The following NKAIN2 variants were observed in gnomAD, a reference collection of about 807,000 sequenced individuals.
The protein encoded by NKAIN2 is sodium/potassium transporting ATPase interacting 2.
NKAIN2 carries 14 observed loss-of-function variants against 32.6 expected under a neutral mutation model. The observed-to-expected ratio is 0.43, with a 90% CI of 0.28 to 0.67. The LOEUF (loss-of-function observed/expected upper bound fraction) is 0.67, where lower values mean the gene tolerates loss of function less well. NKAIN2 is among the 30% of genes least tolerant of loss of function. The pLI is 0.17. For missense variants in NKAIN2, 198 were observed against 258.3 expected (o/e 0.77, Z 1.60); for synonymous variants, 80 against 87.2 (o/e 0.92, Z 0.46).
intron 1 of NKAIN2, among the ~76,000 whole-genome samples, chr6:124,154,610 G>A (rs192428586): frequency 1.2e-4 from 18 of 151,806 alleles, no homozygotes; most frequent in South Asian, 2.1e-4. Context: ...AATGAAAATC[G>A]TATATATTTA....
Position 124,052,556 on chromosome 6 carries a change from A to G in NKAIN2, c.55-230449A>G, listed in dbSNP as rs150450577. ...TTGTATAAAGGACCACCTGATAGAA[A>G]AGCTACAGAAATGAATAAAATGAAA... On this transcript the variant is annotated intron_variant, in intron 1 of 6. Transcript: ENST00000368417. Among the ~76,000 whole-genome samples, 1,205 of 152,200 alleles carry G rather than the reference A, an allele frequency of 7.9e-3. 11 individuals carry two copies. The highest frequency in any genetic ancestry group is 0.054 in the Middle Eastern group (16 of 294).
chr6:123,991,475 C>T (rs115794478), intron 1 of NKAIN2, among the ~76,000 whole-genome samples: 3,768 of 106,098 alleles, frequency 0.036, 77 homozygotes, highest in Non-Finnish European at 0.046. Context: ...CTGGAGCTTG[C>T]GGGGAGTTCA....
intron 1 of NKAIN2, among the ~76,000 whole-genome samples, chr6:124,279,794 T>G (rs1795210904): frequency 6.6e-6 from 1 of 152,056 alleles, no homozygotes; most frequent in Admixed American, 6.6e-5. Flanking sequence ...GAATACTCAA[T>G]CTAATCCATC....
At chr6:124,303,697 A>G (rs1308240465) in intron 2 of NKAIN2, among the ~76,000 whole-genome samples, 2 of 152,346 alleles carry the variant, frequency 1.3e-5, no homozygotes, top group African/African-American at 4.8e-5. Flanking sequence ...CAGGGAAGTT[A>G]TATGATCAGA....
intron 3 of NKAIN2, among the ~76,000 whole-genome samples, chr6:124,652,351 C>T (rs1193913175): frequency 6.6e-6 from 1 of 152,216 alleles, no homozygotes; most frequent in African/African-American, 2.4e-5. Flanking sequence ...CAGACTTTCC[C>T]TGTAGCTCTC....
rs189346615 is a variant in NKAIN2, at chr6:124,825,499, T to G, written c.*2270T>G. On this transcript the variant is annotated 3_prime_UTR_variant, in exon 7 of 7. Transcript: ENST00000368417. ...TCTAGGCTGAGCTTTTGTTATAAAC[T>G]TAATATTCAGAAGGCAAGGGTTATG... 6.5e-6 allele frequency: 1 copy of G among 152,778 alleles called. No homozygotes were observed. The highest frequency in any genetic ancestry group is 6.5e-5 in the Admixed American group (1 of 15,298). The allele number at this position is 152,778 out of a possible 1,614,324, so 9.5% of individuals were successfully genotyped here. A position where few individuals can be genotyped will look rare whatever the true frequency, so the allele number is the denominator to read the frequency against.
chr6:123,932,015 C>T (rs1231009292), intron 1 of NKAIN2, among the ~76,000 whole-genome samples: 1 of 152,198 alleles, frequency 6.6e-6, no homozygotes, highest in Admixed American at 6.5e-5. Flanking sequence ...ATTTTTCACT[C>T]TCTGCTTTGT....
intron 1 of NKAIN2, among the ~76,000 whole-genome samples, chr6:124,122,432 C>T (rs527680607): frequency 1.3e-5 from 2 of 152,038 alleles, no homozygotes; most frequent in African/African-American, 4.8e-5. Flanking sequence ...TGTTATTAGA[C>T]TGACTTCAGA....
At chr6:124,671,294 T>C (rs565416923) in intron 4 of NKAIN2, among the ~76,000 whole-genome samples, 34 of 152,240 alleles carry the variant, frequency 2.2e-4, no homozygotes, top group South Asian at 1.2e-3. Context: ...AATTCTATTA[T>C]TGAGGTTATA....
At chr6:124,616,913 G>T (rs1010820182) in intron 3 of NKAIN2, among the ~76,000 whole-genome samples, 5 of 151,942 alleles carry the variant, frequency 3.3e-5, no homozygotes, top group Admixed American at 1.3e-4. Context: ...TTGTATAAAA[G>T]AATGACTCCA....
chr6:124,071,631 CA>C (rs1783474345), intron 1 of NKAIN2, among the ~76,000 whole-genome samples: 1 of 151,834 alleles, frequency 6.6e-6, no homozygotes, highest in South Asian at 2.1e-4. Context: ...TTTAACAAGT[CA>C]AAACAAAATA....
intron 4 of NKAIN2, among the ~76,000 whole-genome samples, chr6:124,766,009 G>A (rs1778498205): frequency 6.6e-6 from 1 of 152,132 alleles, no homozygotes; most frequent in African/African-American, 2.4e-5. Context: ...CTAGATAATG[G>A]CTATTTTTCA....
At chr6:124,051,992 A>G (rs1420143748) in intron 1 of NKAIN2, among the ~76,000 whole-genome samples, 1 of 152,062 alleles carries the variant, frequency 6.6e-6, no homozygotes, top group Non-Finnish European at 1.5e-5. Flanking sequence ...GGGGCCAAGA[A>G]GCAGACTCCT....
At chr6:124,420,884 A>T (rs1216608769) in intron 3 of NKAIN2, among the ~76,000 whole-genome samples, 1 of 152,026 alleles carries the variant, frequency 6.6e-6, no homozygotes, top group Admixed American at 6.6e-5. Context: ...ACTCACTAGG[A>T]CGAGTAGCAT....
intron 2 of NKAIN2, among the ~76,000 whole-genome samples, chr6:124,345,252 T>G (rs920183823): frequency 1.3e-5 from 2 of 152,208 alleles, no homozygotes; most frequent in African/African-American, 4.8e-5. Context: ...TTATTGATGA[T>G]TTTTGCATCA....
intron 1 of NKAIN2, among the ~76,000 whole-genome samples, chr6:124,219,593 C>T (rs918123624): frequency 5.3e-5 from 8 of 151,946 alleles, no homozygotes; most frequent in East Asian, 1.9e-4. Context: ...TTATTGAATA[C>T]GAGTTACGAT....
rs752752818 is a variant in NKAIN2 at position 124,121,860 on chromosome 6, C to G, written c.55-161145C>G. On this transcript the variant is annotated intron_variant, in intron 1 of 6. Coordinates refer to ENST00000368417, the MANE Select transcript of NKAIN2 (RefSeq NM_001040214.3). ...ACCCTCTAATCATGCCTTATTTGTCCCTCTGGTATATTTACAGGTACTGAA... is the reference window on the plus strand; with the variant it reads ...ACCCTCTAATCATGCCTTATTTGTCGCTCTGGTATATTTACAGGTACTGAA... The G allele has an allele frequency of 1.0e-5, 11 of 1,093,476 alleles. No homozygotes were observed. In the South Asian group the frequency reaches 1.4e-4, roughly 14 times the overall value. The allele number at this position is 1,093,476 out of a possible 1,614,324, so 67.7% of individuals were successfully genotyped here.
At chr6:124,673,740 TC>T (rs1773217725) in intron 4 of NKAIN2, among the ~76,000 whole-genome samples, 1 of 152,026 alleles carries the variant, frequency 6.6e-6, no homozygotes, top group Admixed American at 6.6e-5. Context: ...GGTTTTTTTT[TC>T]ACTATTAAAT....
At chr6:124,635,786 C>G (rs1002936226) in intron 3 of NKAIN2, among the ~76,000 whole-genome samples, 22 of 151,892 alleles carry the variant, frequency 1.4e-4, no homozygotes, top group African/African-American at 5.3e-4. Context: ...CACCCAGATA[C>G]ATAAAGCAAA....
Sources: allele counts gnomAD v4.1 joint callset (sites outside exome capture counted in the v4.1 genomes callset), GRCh38; gene constraint gnomAD v4.1.1; transcripts MANE v1.5; gene names NCBI Gene and HGNC (gene_info 2026-07-23, HGNC 2026-07-21).